The following TBC1D26 variants were observed in gnomAD, a reference collection of about 807,000 sequenced individuals.
TBC1D26 encodes TBC1 domain family member 26.
Under a neutral mutation model 42.5 loss-of-function variants are expected in TBC1D26, and 19 were observed. The ratio of observed to expected loss-of-function variants is 0.45; its 90% confidence interval spans 0.31 to 0.66. The LOEUF is 0.66. Among genes scored for constraint, TBC1D26 ranks in the 30% least tolerant of loss-of-function variants. The probability of loss-of-function intolerance (pLI) is 0.06; values close to 1 mark genes in which losing one functional copy is unlikely to be tolerated. For synonymous variants in TBC1D26, 97 were observed against 123.5 expected (o/e 0.79, Z 1.42); for missense variants, 228 against 332.6 (o/e 0.69, Z 2.45).
Position 15,742,790 on chromosome 17 carries a change from C to T in TBC1D26, c.808-119C>T, listed in dbSNP as rs1164283300. 3 of 152,944 alleles carry T rather than the reference C, an allele frequency of 2.0e-5. No individual in the cohort carries two copies. In the South Asian group the frequency reaches 6.2e-4, roughly 32 times the overall value. The allele number at this position is 152,944 out of a possible 1,614,324, so 9.5% of individuals were successfully genotyped here. ...TTGTCTGACTCAGTCTTTTGGGGGT[C>T]TCATCCCATGGAGAGGGGTCCCCAG... On this transcript the variant is annotated intron_variant, in intron 12 of 14. Transcript: ENST00000437605.
In TBC1D26 at chr17:15,740,116, G is replaced by A. The variant is rs767090658; in HGVS notation, c.514G>A (p.Asp172Asn). The A allele has an allele frequency of 1.9e-6, 3 of 1,613,184 alleles. No homozygotes were observed. Among genetic ancestry groups the A allele is most frequent in the Admixed American group, 1.7e-5 (1 of 59,978 alleles). ...CTTTTCTAGGCAGCAGGAATTATGT[G>A]ACATCCTCGTGGCCTATTCTGCATA... ...RFGVKQQELC[D>N]ILVAYSAYNP... Residue 172 changes from aspartate to asparagine, a missense_variant, in exon 9 of 15, where the codon GAC becomes AAC. Physicochemically the swap from Asp to Asn is conservative, Grantham distance 23. Around this residue, in one of 5 missense-constraint regions of TBC1D26, gnomAD observed 130 missense variants for 168.5 expected, o/e 0.77. Coordinates refer to ENST00000437605, the MANE Select transcript of TBC1D26 (RefSeq NM_001388465.1).
intron 11 of TBC1D26, 143 bp downstream of exon 11, chr17:15,742,179 G>A (rs555664998): frequency 5.1e-5 from 37 of 720,946 alleles, no homozygotes; most frequent in Middle Eastern, 3.9e-4. Context: ...TGGATTCAGC[G>A]TTGGGTTTCC....
Position 15,735,347 on chromosome 17 carries a change from G to A in TBC1D26, c.-1-1G>A, listed in dbSNP as rs779976893. ...AGCCTTGGGATGACTTTGTCTTGCA[G>A]GATGGAGATGGATGGGGACCCGTAT... On this transcript the variant is annotated splice_acceptor_variant, in intron 2 of 14. Transcript: ENST00000437605. LOFTEE classifies it low-confidence loss of function (5UTR_SPLICE). 1 of 1,613,920 alleles carries A rather than the reference G, an allele frequency of 6.2e-7. No homozygotes were observed. Among genetic ancestry groups the A allele is most frequent in the Non-Finnish European group, 8.5e-7 (1 of 1,179,838 alleles).
rs58354673 is a variant in TBC1D26 at position 15,740,067 on chromosome 17, C to CAA, written c.498-24_498-23dup. The CAA allele has an allele frequency of 2.7e-5, 41 of 1,533,252 alleles. No homozygotes were observed. The South Asian group carries it at 4.1e-4, about 15-fold the overall frequency. 95.0% of individuals were successfully genotyped at this position (1,533,252 alleles called of 1,614,324 possible). ...GAAATTGACAGCGTCTGCACACACA[C>CAA]AAAAAAAAAACCCTCTTTCCCCTCT... On this transcript the variant is annotated intron_variant, in intron 8 of 14. Transcript: ENST00000437605.
In TBC1D26 at chr17:15,738,880, G is replaced by C. The variant is rs1303293988; in HGVS notation, c.497+50G>C. On this transcript the variant is annotated intron_variant, in intron 8 of 14. Transcript: ENST00000437605. ...GTCCCAGGGAAGATGGGGCAATCCAGAGGAATGAGGTTGTCCCCAGGGCAG... is the reference window on the plus strand; with the variant it reads ...GTCCCAGGGAAGATGGGGCAATCCACAGGAATGAGGTTGTCCCCAGGGCAG... 4.4e-6 allele frequency: 7 copies of C among 1,608,496 alleles called. No homozygotes were observed. The South Asian group carries it at 7.7e-5, about 18-fold the overall frequency.
At chr17:15,742,231 C>G (rs1408777541) in intron 11 of TBC1D26, among the ~76,000 whole-genome samples, 183 bp from the exon 12 acceptor site, 11 of 152,142 alleles carry the variant, frequency 7.2e-5, no homozygotes, top group Non-Finnish European at 1.5e-4. Context: ...GGACCAGGGC[C>G]GAGCTGCAGC....
Position 15,742,147 on chromosome 17 carries a change from G to A in TBC1D26, c.741+111G>A, listed in dbSNP as rs566345514. On this transcript the variant is annotated intron_variant, in intron 11 of 14. Coordinates refer to ENST00000437605, the MANE Select transcript of TBC1D26 (RefSeq NM_001388465.1). ...AGAGGCTGAGTCCCAGCCACGGCCT[G>A]ACCTGGGATGGGGATTCCCCATGGA... is the stretch of plus-strand genomic sequence containing the variant. The A allele has an allele frequency of 6.9e-6, 6 of 864,020 alleles. No individual in the cohort carries two copies. In the East Asian group the frequency reaches 1.3e-4, roughly 19 times the overall value. The allele number at this position is 864,020 out of a possible 1,614,324, so 53.5% of individuals were successfully genotyped here.
chr17:15,735,100 C>A (rs1356334271), intron 2 of TBC1D26, 30 bp downstream of exon 2: 5 of 578,902 alleles, frequency 8.6e-6, no homozygotes, highest in Non-Finnish European at 1.5e-5. Flanking sequence ...TGTTCAGGGA[C>A]AATAGGCCTC....
intron 4 of TBC1D26, among the ~76,000 whole-genome samples, chr17:15,736,169 A>G (rs1346125578): frequency 1.3e-5 from 2 of 152,218 alleles, no homozygotes; most frequent in Non-Finnish European, 2.9e-5. Context: ...TTGTGGAAGA[A>G]GGGCAGGGCC....
Position 15,741,206 on chromosome 17 carries a change from A to G in TBC1D26, c.631A>G (p.Thr211Ala), listed in dbSNP as rs1431937975. The change falls in exon 10 of 15, where the codon ACC becomes GCC. Residue 211 changes from threonine (T) to alanine (A), a missense_variant. Coordinates refer to ENST00000437605, the MANE Select transcript of TBC1D26 (RefSeq NM_001388465.1). Reference sequence around the variant, plus strand: ...AGAGGAAGATGCTTTCTGGGCGCTTACCCAGTTGCTCGCTGGTGAGAGGCA... The same window carrying G: ...AGAGGAAGATGCTTTCTGGGCGCTTGCCCAGTTGCTCGCTGGTGAGAGGCA... ...LPEEDAFWAL[T>A]QLLAVFYSPN... 1 of 1,613,558 alleles carries G rather than the reference A, an allele frequency of 6.2e-7. No individual in the cohort carries two copies. The highest frequency in any genetic ancestry group is 1.3e-5 in the African/African-American group (1 of 74,884).
rs1967867220 is a variant in TBC1D26, at chr17:15,744,462, T to C, written c.1277T>C (p.Met426Thr). The C allele has an allele frequency of 6.6e-6, 1 of 152,188 alleles. No homozygotes were observed. The highest frequency in any genetic ancestry group is 1.5e-5 in the Non-Finnish European group (1 of 68,038). The allele number at this position is 152,188 out of a possible 1,614,324, so 9.4% of individuals were successfully genotyped here. Residue 426 changes from methionine (M) to threonine (T), a missense_variant, in exon 15 of 15, where the codon ATG becomes ACG. Met to Thr is a moderately conservative substitution (Grantham distance 81). Coordinates refer to ENST00000437605, the MANE Select transcript of TBC1D26 (RefSeq NM_001388465.1). ...QSQKEMKCEC[M>T]AFLTPRQNFG... The stretch of plus-strand genomic sequence containing the variant: ...CAAAAAGAGATGAAATGTGAGTGCA[T>C]GGCCTTCCTGACACCCAGACAAAAC...
At chr17:15,743,629 C>T (rs1967850763) in intron 14 of TBC1D26, 113 bp downstream of exon 14, 1 of 226,252 alleles carries the variant, frequency 4.4e-6, no homozygotes, top group Non-Finnish European at 7.5e-6. Context: ...ACCTCTTCTT[C>T]CTCCTCTTCC....
chr17:15,741,882 C>T, intron 10 of TBC1D26, 60 bp from the exon 11 acceptor site: 1 of 1,565,202 alleles, frequency 6.4e-7, no homozygotes, highest in Non-Finnish European at 8.8e-7. Context: ...GCTCTTCCAG[C>T]TGATGCCTCC....
intron 7 of TBC1D26, 56 bp downstream of exon 7, chr17:15,738,443 C>A (rs1487317732): frequency 1.3e-6 from 2 of 1,588,462 alleles, no homozygotes; most frequent in African/African-American, 2.7e-5. Context: ...GTATCAGGAG[C>A]CCAGGACTCC....
At chr17:15,732,644 T>C (rs899688188) in intron 1 of TBC1D26, among the ~76,000 whole-genome samples, 2 of 152,006 alleles carry the variant, frequency 1.3e-5, no homozygotes, top group African/African-American at 2.4e-5. Context: ...CTCTCAGCCC[T>C]GCCCTGTGCA....
At chr17:15,741,894 C>T (rs2151503556) in intron 10 of TBC1D26, 48 bp from the exon 11 acceptor site, 1 of 1,593,968 alleles carries the variant, frequency 6.3e-7, no homozygotes, top group Middle Eastern at 1.7e-4. Context: ...GATGCCTCCA[C>T]ATTTTGGGCG....
rs201575162 is a variant in TBC1D26 at position 15,741,929 on chromosome 17, G to A, written c.647-13G>A. 2.4e-5 allele frequency: 39 copies of A among 1,613,306 alleles called. No individual in the cohort carries two copies. In the Middle Eastern group the frequency reaches 6.6e-4, roughly 27 times the overall value. ...GTGGGGTCTGATGGGGTGATGGGTC[G>A]CGGGCTTCTCAGTATTCTACAGCCC... On this transcript the variant is annotated splice_polypyrimidine_tract_variant and intron_variant, in intron 10 of 14. Coordinates refer to ENST00000437605, the MANE Select transcript of TBC1D26 (RefSeq NM_001388465.1).
At chr17:15,736,299 T>C (rs1967612745) in intron 4 of TBC1D26, among the ~76,000 whole-genome samples, 1 of 152,230 alleles carries the variant, frequency 6.6e-6, no homozygotes, top group African/African-American at 2.4e-5. Flanking sequence ...AGCCGGCCCC[T>C]CAGGACTCAC....
Position 15,742,051 on chromosome 17 carries a change from C to A in TBC1D26, c.741+15C>A, listed in dbSNP as rs369993816. The stretch of plus-strand genomic sequence containing the variant: ...TGAGACACCTGGTGAGTGGATGACA[C>A]CCTCAGCTCCTAACCAGACGCCCTG... On this transcript the variant is annotated intron_variant, in intron 11 of 14. Transcript: ENST00000437605. The A allele has an allele frequency of 1.1e-5, 17 of 1,609,914 alleles. No individual in the cohort carries two copies. The African/African-American group carries it at 1.6e-4, about 15-fold the overall frequency.
Sources: gnomAD v4.1 joint callset for allele counts (sites outside exome capture counted in the v4.1 genomes callset) on GRCh38, gnomAD v4.1.1 for gene constraint, gnomAD v4.1.1 regional missense constraint, MANE v1.5 for transcripts, NCBI Gene and HGNC (gene_info 2026-07-23, HGNC 2026-07-21) for gene names.